The following TGFBR3 variants were observed in gnomAD, a reference collection of about 807,000 sequenced individuals.
TGFBR3 encodes the protein transforming growth factor beta receptor type 3.
A neutral mutation model predicts 87.9 loss-of-function variants in TGFBR3; 46 were observed. The observed-to-expected ratio is 0.52, with a 90% CI of 0.41 to 0.67. The LOEUF is 0.67. Among genes scored for constraint, TGFBR3 ranks in the 30% least tolerant of loss-of-function variants. The probability of loss-of-function intolerance (pLI) is 0.00; values close to 1 mark genes in which losing one functional copy is unlikely to be tolerated. For synonymous variants in TGFBR3, 381 were observed against 391.6 expected, an observed-to-expected ratio of 0.97 and a Z score of 0.32; for missense variants, 866 against 1,041.9, an observed-to-expected ratio of 0.83 and a Z score of 2.32.
intron 2 of TGFBR3, among the ~76,000 whole-genome samples, chr1:91,824,379 TACAA>T (rs1676557237): frequency 6.6e-6 from 1 of 152,142 alleles, no homozygotes; most frequent in Non-Finnish European, 1.5e-5. Context: ...GTATGAGGAC[TACAA>T]ACAGTTTGGT....
intron 16 of TGFBR3, among the ~76,000 whole-genome samples, chr1:91,684,340 A>G (rs555362272): frequency 1.7e-3 from 264 of 152,354 alleles, no homozygotes; most frequent in African/African-American, 6.1e-3. Flanking sequence ...CTTGTTAAAA[A>G]CAGGAGTGAA....
intron 1 of TGFBR3, among the ~76,000 whole-genome samples, chr1:91,882,602 G>A (rs372421739): frequency 2.6e-5 from 4 of 152,004 alleles, no homozygotes; most frequent in East Asian, 2.0e-4. Flanking sequence ...AAAATTAGCC[G>A]GGCATGGTGG....
Position 91,683,037 on chromosome 1 carries a change from A to G in TGFBR3, c.*702T>C. ...CAAAATTTGCATTAAGACATTTTGCAGTGGTGTATGCAAGTATGGGAAGAA... is the reference window on the plus strand; with the variant it reads ...CAAAATTTGCATTAAGACATTTTGCGGTGGTGTATGCAAGTATGGGAAGAA... On this transcript the variant is annotated 3_prime_UTR_variant, in exon 17 of 17. Coordinates refer to ENST00000212355, the MANE Select transcript of TGFBR3 (RefSeq NM_003243.5). 2.2e-6 allele frequency: 1 copy of G among 454,518 alleles called. No homozygotes were observed. Among genetic ancestry groups the G allele is most frequent in the Non-Finnish European group, 4.4e-6 (1 of 226,790 alleles). The allele number at this position is 454,518 out of a possible 1,614,324, so 28.2% of individuals were successfully genotyped here. A position where few individuals can be genotyped will look rare whatever the true frequency, so the allele number is the denominator to read the frequency against.
At chr1:91,895,494 A>T (rs1557766852) in intron 2 of TGFBR3, among the ~76,000 whole-genome samples, 1 of 151,800 alleles carries the variant, frequency 6.6e-6, no homozygotes, top group Non-Finnish European at 1.5e-5. Context: ...GTATTTCTTT[A>T]TTTTTTTAGA....
At chr1:91,746,658 A>T (rs1673359372) in intron 4 of TGFBR3, among the ~76,000 whole-genome samples, 1 of 152,050 alleles carries the variant, frequency 6.6e-6, no homozygotes. Context: ...AGCCAAGTCA[A>T]GTTCAAGAGC....
chr1:91,739,848 GT>G (rs769584111), intron 4 of TGFBR3, among the ~76,000 whole-genome samples: 1 of 152,202 alleles, frequency 6.6e-6, no homozygotes, highest in Non-Finnish European at 1.5e-5. Flanking sequence ...ATGGTGGAAG[GT>G]GAAGAGGAAG....
At chr1:91,737,217 C>T (rs1344820318) in intron 4 of TGFBR3, among the ~76,000 whole-genome samples, 2 of 152,156 alleles carry the variant, frequency 1.3e-5, no homozygotes, top group Admixed American at 6.5e-5. Flanking sequence ...AGCAAAGCTG[C>T]AGTGAGGTGT....
At position 91,719,163 on chromosome 1, in the gene TGFBR3, C is replaced by T. The variant is rs945806794; in HGVS notation, c.1566+149G>A. The stretch of plus-strand genomic sequence containing the variant: ...AACCAAAGAGCTCAGGGTCAAAGTA[C>T]ATCCATTTTGTTGAGAACTGACACT... On this transcript the variant is annotated intron_variant, in intron 10 of 16. Coordinates refer to ENST00000212355, the MANE Select transcript of TGFBR3 (RefSeq NM_003243.5). 9.7e-6 allele frequency: 10 copies of T among 1,027,188 alleles called. No individual in the cohort carries two copies. The South Asian group carries it at 1.5e-4, about 15-fold the overall frequency. The allele number at this position is 1,027,188 out of a possible 1,614,324, so 63.6% of individuals were successfully genotyped here.
At chr1:91,784,667 A>C (rs1200918807) in intron 3 of TGFBR3, among the ~76,000 whole-genome samples, 1 of 152,194 alleles carries the variant, frequency 6.6e-6, no homozygotes, top group Non-Finnish European at 1.5e-5. Flanking sequence ...GAATTGAGAG[A>C]CTGAAGAAAG....
intron 2 of TGFBR3, among the ~76,000 whole-genome samples, chr1:91,802,210 C>T (rs190522982): frequency 6.6e-6 from 1 of 152,292 alleles, no homozygotes; most frequent in Admixed American, 6.5e-5. Context: ...GCTGTTCCAT[C>T]GCCGCCTTCC....
At chr1:91,772,121 C>T (rs1014367326) in intron 3 of TGFBR3, among the ~76,000 whole-genome samples, 4 of 152,148 alleles carry the variant, frequency 2.6e-5, no homozygotes, top group Admixed American at 1.3e-4. Context: ...GCCTTGAAAG[C>T]CAAGCTTAAC....
At chr1:91,886,318 G>C (rs897195356), upstream of TGFBR3, 11 of 386,412 alleles carry the variant, frequency 2.8e-5, no homozygotes, top group East Asian at 6.8e-4. Flanking sequence ...CCCGCCTCCC[G>C]CCTCCTCTCT....
At chr1:91,766,277 C>A (rs1674182094) in intron 3 of TGFBR3, 1 of 141,422 alleles carries the variant, frequency 7.1e-6, no homozygotes, top group Non-Finnish European at 1.5e-5. Flanking sequence ...CTCAAGCAAT[C>A]CTCCCACCTC....
At chr1:91,752,629 T>C (rs1673587384) in intron 4 of TGFBR3, among the ~76,000 whole-genome samples, 1 of 151,732 alleles carries the variant, frequency 6.6e-6, no homozygotes, top group Non-Finnish European at 1.5e-5. Flanking sequence ...GGCACTAGGG[T>C]CTCATCTTGA....
intron 4 of TGFBR3, among the ~76,000 whole-genome samples, chr1:91,748,992 G>A (rs1444642705): frequency 6.6e-6 from 1 of 152,146 alleles, no homozygotes; most frequent in African/African-American, 2.4e-5. Context: ...ACACATATGT[G>A]TGTATGTATC....
chr1:91,832,787 G>A (rs1352603365), intron 2 of TGFBR3, among the ~76,000 whole-genome samples: 1 of 152,082 alleles, frequency 6.6e-6, no homozygotes, highest in Admixed American at 6.5e-5. Context: ...CGGATCACAT[G>A]AGGCCAGGAG....
At chr1:91,903,175 C>T (rs1203324204) in intron 1 of TGFBR3, among the ~76,000 whole-genome samples, 2 of 151,020 alleles carry the variant, frequency 1.3e-5, no homozygotes, top group Non-Finnish European at 2.9e-5. Flanking sequence ...CCTGTCTCTA[C>T]TAAAAATACA....
At chr1:91,897,656 A>G (rs1679580364) in intron 2 of TGFBR3, among the ~76,000 whole-genome samples, 1 of 152,106 alleles carries the variant, frequency 6.6e-6, no homozygotes, top group Admixed American at 6.6e-5. Flanking sequence ...CTTGCAGAGG[A>G]TTGCTTACGT....
rs557138317 is a variant in TGFBR3, at chr1:91,705,399, GT to G, written c.2287+3263del. 4.9e-4 allele frequency among the ~76,000 whole-genome samples: 71 copies of G among 146,352 alleles called. 1 individual carries two copies. The highest frequency in any genetic ancestry group is 1.6e-3 in the Admixed American group (24 of 14,662). ...CCATGACGCCTGGCTAATTTTTTTG[GT>G]TTTTTTTTTAGGTAGAGACAGGGTT... On this transcript the variant is annotated intron_variant, in intron 14 of 16. Transcript: ENST00000212355.
Sources: allele counts gnomAD v4.1 joint callset (sites outside exome capture counted in the v4.1 genomes callset), GRCh38; gene constraint gnomAD v4.1.1; transcripts MANE v1.5; gene names NCBI Gene and HGNC (gene_info 2026-07-23, HGNC 2026-07-21).